GABRB1: variants seen among roughly 807,000 people sequenced by gnomAD.
GABRB1 encodes gamma-aminobutyric acid receptor subunit beta-1.
GABRB1 carries 17 observed loss-of-function variants against 51.6 expected under a neutral mutation model. The ratio of observed to expected loss-of-function variants is 0.33; its 90% CI spans 0.23 to 0.49. GABRB1 has a LOEUF of 0.49. Ranked by LOEUF, GABRB1 falls within the 20% of genes least tolerant of loss-of-function variation. The pLI, the probability that GABRB1 is intolerant of heterozygous loss-of-function variation, is 0.99. For synonymous variants in GABRB1, 247 were observed against 218.9 expected (o/e 1.13, Z -1.14); for missense variants, 410 against 600.6 (o/e 0.68, Z 3.32).
At chr4:47,072,060 A>G (rs1727359128) in intron 3 of GABRB1, among the ~76,000 whole-genome samples, 1 of 151,426 alleles carries the variant, frequency 6.6e-6, no homozygotes, top group Non-Finnish European at 1.5e-5. Flanking sequence ...AAAAAAAACA[A>G]GTAGAAGTGA....
intron 3 of GABRB1, among the ~76,000 whole-genome samples, chr4:47,111,541 G>A (rs1446512136): frequency 6.6e-6 from 1 of 152,008 alleles, no homozygotes; most frequent in Non-Finnish European, 1.5e-5. Flanking sequence ...CTGCCATTCA[G>A]TTGCGTGTCA....
chr4:47,077,213 G>T (rs772568760), intron 3 of GABRB1, among the ~76,000 whole-genome samples: 1 of 152,102 alleles, frequency 6.6e-6, no homozygotes, highest in Admixed American at 6.5e-5. Context: ...GTTACCATGG[G>T]TATTACCAGA....
chr4:47,292,340 G>A (rs1291888788), intron 4 of GABRB1, among the ~76,000 whole-genome samples: 1 of 152,168 alleles, frequency 6.6e-6, no homozygotes, highest in Non-Finnish European at 1.5e-5. Context: ...TCTTGGGTAT[G>A]TCTTTATCAG....
At chr4:47,122,470 A>G (rs1715821571) in intron 3 of GABRB1, among the ~76,000 whole-genome samples, 1 of 152,206 alleles carries the variant, frequency 6.6e-6, no homozygotes, top group Non-Finnish European at 1.5e-5. Context: ...AAAGTTGTCA[A>G]CTGAGCAACT....
intron 4 of GABRB1, among the ~76,000 whole-genome samples, chr4:47,205,689 T>A (rs1720089821): frequency 6.6e-6 from 1 of 152,128 alleles, no homozygotes; most frequent in Non-Finnish European, 1.5e-5. Context: ...CTTTGTTAAT[T>A]ATCACCAATC....
At chr4:47,143,442 G>A (rs1717016027) in intron 3 of GABRB1, among the ~76,000 whole-genome samples, 1 of 151,760 alleles carries the variant, frequency 6.6e-6, no homozygotes, top group Non-Finnish European at 1.5e-5. Flanking sequence ...ATCTTGACAG[G>A]AGGAACAGGC....
At chr4:47,001,059 T>C (rs1159315) in intron 1 of GABRB1, among the ~76,000 whole-genome samples, 68,636 of 152,124 alleles carry the variant, frequency 0.45, 15,720 homozygotes, top group Non-Finnish European at 0.48. Context: ...AATGGTGTGA[T>C]GGTTAACTTT....
intron 4 of GABRB1, among the ~76,000 whole-genome samples, chr4:47,182,416 T>G (rs1718988999): frequency 6.6e-6 from 1 of 152,036 alleles, no homozygotes; most frequent in Non-Finnish European, 1.5e-5. Flanking sequence ...GAGCAAATGA[T>G]CCATGAGAAT....
At chr4:47,203,234 G>C (rs927860156) in intron 4 of GABRB1, among the ~76,000 whole-genome samples, 1 of 151,902 alleles carries the variant, frequency 6.6e-6, no homozygotes, top group African/African-American at 2.4e-5. Flanking sequence ...TCCACTTTAG[G>C]GCATTCAATG....
chr4:47,032,072 T>TAAAAAAAA, intron 2 of GABRB1, 67 bp downstream of exon 2: 4 of 713,206 alleles, frequency 5.6e-6, no homozygotes, highest in Admixed American at 8.6e-5. Context: ...AAGATAAATG[T>TAAAAAAAA]CAAAAAAAAA....
At chr4:47,173,683 C>T (rs2119779) in intron 4 of GABRB1, among the ~76,000 whole-genome samples, 109,785 of 152,052 alleles carry the variant, frequency 0.72, 39,966 homozygotes, top group Middle Eastern at 0.87. Context: ...AAAATTGTTC[C>T]CAAAGACCTC....
intron 4 of GABRB1, among the ~76,000 whole-genome samples, chr4:47,172,923 T>C (rs1718505157): frequency 6.6e-6 from 1 of 152,126 alleles, no homozygotes; most frequent in East Asian, 1.9e-4. Context: ...TTATCTTTTC[T>C]AAATCTTTTT....
intron 3 of GABRB1, among the ~76,000 whole-genome samples, chr4:47,052,831 G>A (rs1019175918): frequency 1.1e-4 from 17 of 152,138 alleles, no homozygotes; most frequent in African/African-American, 3.6e-4. Flanking sequence ...TCTAAAAACT[G>A]AAAGAAGGCA....
At chr4:47,080,529 T>G (rs757554031) in intron 3 of GABRB1, among the ~76,000 whole-genome samples, 1 of 152,230 alleles carries the variant, frequency 6.6e-6, no homozygotes, top group Non-Finnish European at 1.5e-5. Flanking sequence ...TGGTCGTCCA[T>G]GTAATCTGTC....
At chr4:47,038,436 T>G (rs1725691027) in intron 3 of GABRB1, among the ~76,000 whole-genome samples, 1 of 152,240 alleles carries the variant, frequency 6.6e-6, no homozygotes. Context: ...AAATTGGAAT[T>G]ATTTCTATGT....
chr4:46,993,917 C>G (rs893832838), exon 1 of GABRB1: 2 of 162,320 alleles, frequency 1.2e-5, no homozygotes, highest in Non-Finnish European at 2.7e-5. Context: ...TGAAGCTCCT[C>G]TGTCATCAGG....
chr4:47,051,816 C>G (rs34429439), intron 3 of GABRB1, among the ~76,000 whole-genome samples: 1 of 151,922 alleles, frequency 6.6e-6, no homozygotes, highest in Non-Finnish European at 1.5e-5. Flanking sequence ...GAAAGTCAGC[C>G]GACTAGTAGT....
intron 3 of GABRB1, among the ~76,000 whole-genome samples, chr4:47,116,708 C>G (rs1368790901): frequency 6.6e-6 from 1 of 152,006 alleles, no homozygotes; most frequent in Non-Finnish European, 1.5e-5. Flanking sequence ...TAGTACTTTT[C>G]TTTGGGCAAG....
At chr4:47,383,387 G>C (rs1334039674) in intron 5 of GABRB1, among the ~76,000 whole-genome samples, 1 of 152,110 alleles carries the variant, frequency 6.6e-6, no homozygotes, top group East Asian at 1.9e-4. Flanking sequence ...CCACAGATGA[G>C]AAAGGCATCC....
Sources: gnomAD v4.1 joint callset for allele counts (sites outside exome capture counted in the v4.1 genomes callset) on GRCh38, gnomAD v4.1.1 for gene constraint, MANE v1.5 for transcripts, NCBI Gene and HGNC (gene_info 2026-07-23, HGNC 2026-07-21) for gene names.